Variants in SLC4A4 observed in about 807,000 individuals in gnomAD.
SLC4A4 encodes the protein electrogenic sodium bicarbonate cotransporter 1.
A neutral mutation model predicts 111.5 loss-of-function variants in SLC4A4; 27 were observed. That is an observed-to-expected ratio of 0.24 (90% CI 0.18 to 0.33). The LOEUF is 0.33. Among genes scored for constraint, SLC4A4 ranks in the 10% least tolerant of loss-of-function variants. The pLI, the probability that SLC4A4 is intolerant of heterozygous loss-of-function variation, is 1.00. For missense variants in SLC4A4, 909 were observed against 1,315.5 expected (o/e 0.69, Z 4.78); for synonymous variants, 443 against 463.4 (o/e 0.96, Z 0.57).
At chr4:71,388,408 C>T (rs1002217634) in intron 6 of SLC4A4, among the ~76,000 whole-genome samples, 9 of 152,152 alleles carry the variant, frequency 5.9e-5, no homozygotes, top group African/African-American at 1.7e-4. Context: ...GTAAATTTTC[C>T]AGTCTTTATA....
chr4:71,443,226 C>G (rs1464528463), intron 8 of SLC4A4, among the ~76,000 whole-genome samples: 2 of 149,418 alleles, frequency 1.3e-5, no homozygotes, highest in African/African-American at 2.5e-5. Flanking sequence ...TCTTGGCTCA[C>G]TGCAACCCCC....
At chr4:71,301,123 C>T in intron 3 of SLC4A4, 1 of 362,634 alleles carries the variant, frequency 2.8e-6, no homozygotes, top group Middle Eastern at 4.0e-4. Context: ...TGGCACAGTG[C>T]CAGCATGGGG....
intron 1 of SLC4A4, among the ~76,000 whole-genome samples, chr4:71,077,723 G>A (rs1449170621): frequency 6.6e-6 from 1 of 152,120 alleles, no homozygotes; most frequent in Non-Finnish European, 1.5e-5. Context: ...AATGAGCATT[G>A]TAGCAGACGG....
At chr4:71,487,469 G>T (rs1367252499) in intron 15 of SLC4A4, among the ~76,000 whole-genome samples, 1 of 151,558 alleles carries the variant, frequency 6.6e-6, no homozygotes, top group Non-Finnish European at 1.5e-5. Flanking sequence ...ACTTAGAACG[G>T]ACTGTGCCTC....
At chr4:71,481,658 C>T (rs1486497345) in intron 14 of SLC4A4, among the ~76,000 whole-genome samples, 1 of 151,728 alleles carries the variant, frequency 6.6e-6, no homozygotes, top group Non-Finnish European at 1.5e-5. Flanking sequence ...AGGTCATCGC[C>T]AAGGTCTGAT....
At chr4:71,468,272 C>G (rs1176830203) in intron 13 of SLC4A4, among the ~76,000 whole-genome samples, 1 of 151,906 alleles carries the variant, frequency 6.6e-6, no homozygotes, top group African/African-American at 2.4e-5. Context: ...GACAAGAAAG[C>G]CTTTGTGGAA....
At chr4:71,184,425 C>G (rs1282988955), upstream of SLC4A4, among the ~76,000 whole-genome samples, 2 of 152,100 alleles carry the variant, frequency 1.3e-5, no homozygotes, top group Non-Finnish European at 2.9e-5. Context: ...GTCCTTCCTC[C>G]TTTCTGTTTT....
In SLC4A4 at chr4:71,357,193, G is replaced by A. The variant is rs62302790; in HGVS notation, c.730+6G>A. On this transcript the variant is annotated splice_donor_region_variant and intron_variant, in intron 6 of 25. Transcript: ENST00000264485. ...GTTTACCAACCCTGATAATGGTAAT[G>A]CAGAGGCCAGCTGGCTGCTGCTTTC... is the stretch of plus-strand genomic sequence containing the variant. 1 of 1,613,400 alleles carries A rather than the reference G, an allele frequency of 6.2e-7. No individual in the cohort carries two copies. Among genetic ancestry groups the A allele is most frequent in the South Asian group, 1.1e-5 (1 of 91,064 alleles).
At chr4:71,298,114 G>C (rs988318631) in intron 3 of SLC4A4, among the ~76,000 whole-genome samples, 2 of 152,140 alleles carry the variant, frequency 1.3e-5, no homozygotes, top group Non-Finnish European at 2.9e-5. Flanking sequence ...AGCATTTTGT[G>C]AACCATAAAC....
At chr4:71,314,594 A>C (rs974363424) in intron 3 of SLC4A4, among the ~76,000 whole-genome samples, 7 of 152,226 alleles carry the variant, frequency 4.6e-5, no homozygotes, top group Admixed American at 1.3e-4. Context: ...GCCATAAAAA[A>C]GAATGAGTTC....
chr4:71,348,313 T>TCACACACACACACACA (rs35326504), intron 4 of SLC4A4, among the ~76,000 whole-genome samples: 3 of 143,728 alleles, frequency 2.1e-5, no homozygotes, highest in South Asian at 2.4e-4. Context: ...ACTAATTTAG[T>TCACACACACACACACA]CACACACACA....
chr4:71,342,110 T>G (rs568934638), intron 4 of SLC4A4, among the ~76,000 whole-genome samples: 1 of 152,354 alleles, frequency 6.6e-6, no homozygotes, highest in Admixed American at 6.5e-5. Flanking sequence ...CATAACACAT[T>G]TCCACTCCTC....
intron 3 of SLC4A4, among the ~76,000 whole-genome samples, chr4:71,277,041 C>T (rs376578860): frequency 6.6e-6 from 1 of 151,996 alleles, no homozygotes; most frequent in Non-Finnish European, 1.5e-5. Flanking sequence ...GAGACCCTGT[C>T]TCAAACAAAA....
rs574753057 is a variant in SLC4A4, at chr4:71,362,403, A to G, written c.730+5216A>G. The stretch of plus-strand genomic sequence containing the variant: ...TGTGAAAGAGAGATAATGAAAAGTA[A>G]GAAGAAATGTATAAAATGTTTAGAG... On this transcript the variant is annotated intron_variant, in intron 6 of 25. Coordinates refer to ENST00000264485, the MANE Select transcript of SLC4A4 (RefSeq NM_001098484.3). 3.3e-5 allele frequency among the ~76,000 whole-genome samples: 5 copies of G among 152,374 alleles called. No individual in the cohort carries two copies. In the South Asian group the frequency reaches 1.0e-3, roughly 32 times the overall value.
chr4:71,153,009 G>T (rs1744353003), intron 2 of SLC4A4, among the ~76,000 whole-genome samples: 1 of 141,656 alleles, frequency 7.1e-6, no homozygotes. Flanking sequence ...ATATATATGT[G>T]TATATATATA....
At chr4:71,359,339 T>G (rs1029604832) in intron 6 of SLC4A4, among the ~76,000 whole-genome samples, 22 of 152,336 alleles carry the variant, frequency 1.4e-4, no homozygotes, top group African/African-American at 5.3e-4. Context: ...GCTGATCAGC[T>G]TACACTCTGA....
chr4:71,486,304 A>G (rs1013060818), intron 14 of SLC4A4, among the ~76,000 whole-genome samples: 2 of 151,544 alleles, frequency 1.3e-5, no homozygotes, highest in African/African-American at 2.4e-5. Context: ...AAAAGGAATG[A>G]AACATTTCCA....
intron 3 of SLC4A4, among the ~76,000 whole-genome samples, chr4:71,285,466 A>C (rs912410655): frequency 6.6e-6 from 1 of 152,150 alleles, no homozygotes; most frequent in Non-Finnish European, 1.5e-5. Flanking sequence ...AGCCTCAAAA[A>C]GATGGGTGGT....
At chr4:71,561,285 C>T (rs1018049224) in intron 23 of SLC4A4, among the ~76,000 whole-genome samples, 2 of 151,700 alleles carry the variant, frequency 1.3e-5, no homozygotes, top group African/African-American at 4.8e-5. Context: ...GAGATTTAGA[C>T]TGAGAAATGT....
Sources: gnomAD v4.1 joint callset for allele counts (sites outside exome capture counted in the v4.1 genomes callset) on GRCh38, gnomAD v4.1.1 for gene constraint, MANE v1.5 for transcripts, NCBI Gene and HGNC (gene_info 2026-07-23, HGNC 2026-07-21) for gene names.